Variants in CWF19L2 observed in about 807,000 individuals in gnomAD.
The protein encoded by CWF19L2 is CWF19 like cell cycle control factor 2.
CWF19L2 carries 98 observed loss-of-function variants against 111.7 expected under a neutral mutation model. The observed-to-expected ratio is 0.88, with a 90% CI of 0.75 to 1.04. The LOEUF (loss-of-function observed/expected upper bound fraction) is 1.04. Among genes scored for constraint, CWF19L2 ranks in the 50% least tolerant of loss-of-function variants. The pLI, the probability that CWF19L2 is intolerant of heterozygous loss-of-function variation, is 0.00. For synonymous variants in CWF19L2, 351 were observed against 342.9 expected, an observed-to-expected ratio of 1.02 and a Z score of -0.26; for missense variants, 1,101 against 1,051.4, an observed-to-expected ratio of 1.05 and a Z score of -0.65.
At chr11:107,391,242 T>A (rs964540942) in intron 11 of CWF19L2, among the ~76,000 whole-genome samples, 2 of 152,172 alleles carry the variant, frequency 1.3e-5, no homozygotes, top group Non-Finnish European at 2.9e-5. Context: ...TATACATCTA[T>A]CCTCTTAATT....
At chr11:107,444,319 G>T (rs1861672920) in intron 3 of CWF19L2, among the ~76,000 whole-genome samples, 1 of 152,042 alleles carries the variant, frequency 6.6e-6, no homozygotes, top group Admixed American at 6.5e-5. Flanking sequence ...CTCACCAGTG[G>T]CTTCCACTGT....
intron 5 of CWF19L2, among the ~76,000 whole-genome samples, chr11:107,440,211 G>A (rs1591206269): frequency 6.6e-6 from 1 of 152,230 alleles, no homozygotes; most frequent in South Asian, 2.1e-4. Context: ...GGAGTGGGGG[G>A]TTAGAAAATG....
chr11:107,327,776 T>C (rs1472101277), intron 17 of CWF19L2, among the ~76,000 whole-genome samples: 1 of 152,120 alleles, frequency 6.6e-6, no homozygotes, highest in Non-Finnish European at 1.5e-5. Flanking sequence ...AATGCTTAAA[T>C]GCTTAGAGGG....
In CWF19L2 at chr11:107,392,776, T is replaced by C. The variant is rs201487842; in HGVS notation, c.1734+3A>G. On this transcript the variant is annotated splice_donor_region_variant and intron_variant, in intron 11 of 17. Coordinates refer to ENST00000282251, the MANE Select transcript of CWF19L2 (RefSeq NM_152434.3). ...AATAAACAAAGACATATGTTAAACA[T>C]ACCATCTGTCTCTTTCTTCTTCCTC... 9.2e-6 allele frequency: 14 copies of C among 1,525,170 alleles called. No individual in the cohort carries two copies. In the East Asian group the frequency reaches 2.1e-4, roughly 23 times the overall value. The allele number at this position is 1,525,170 out of a possible 1,614,324, so 94.5% of individuals were successfully genotyped here.
intron 10 of CWF19L2, chr11:107,403,845 C>T: frequency 1.2e-6 from 1 of 805,690 alleles, no homozygotes; most frequent in Non-Finnish European, 2.2e-6. Context: ...TTAAGTGAAT[C>T]TGTGCTTTCT....
intron 10 of CWF19L2, among the ~76,000 whole-genome samples, chr11:107,413,258 C>T (rs1861183294): frequency 6.6e-6 from 1 of 152,060 alleles, no homozygotes. Flanking sequence ...GTACCTTCCT[C>T]TCAATTTTGC....
intron 12 of CWF19L2, among the ~76,000 whole-genome samples, chr11:107,364,591 T>C (rs1860409255): frequency 7.3e-6 from 1 of 137,686 alleles, no homozygotes. Context: ...CATAACGAAA[T>C]GAAAGCAGAA....
At chr11:107,400,591 A>G (rs1860986045) in intron 10 of CWF19L2, among the ~76,000 whole-genome samples, 1 of 152,172 alleles carries the variant, frequency 6.6e-6, no homozygotes, top group Non-Finnish European at 1.5e-5. Flanking sequence ...ACAACAAAAA[A>G]AAGTCCAGGA....
At chr11:107,395,002 A>C (rs1163467784) in intron 10 of CWF19L2, among the ~76,000 whole-genome samples, 2 of 152,226 alleles carry the variant, frequency 1.3e-5, no homozygotes, top group African/African-American at 4.8e-5. Flanking sequence ...ATCCATGATG[A>C]GGTAAGTATA....
At chr11:107,434,806 C>G (rs1001137048) in intron 6 of CWF19L2, among the ~76,000 whole-genome samples, 12 of 151,946 alleles carry the variant, frequency 7.9e-5, no homozygotes, top group Middle Eastern at 3.4e-3. Context: ...TAATGGTTAC[C>G]CTTCTGGTGA....
In CWF19L2 at chr11:107,390,065, A is replaced by T; in HGVS notation, c.1872+9T>A. 1 of 1,611,338 alleles carries T rather than the reference A, an allele frequency of 6.2e-7. No individual in the cohort carries two copies. The highest frequency in any genetic ancestry group is 8.5e-7 in the Non-Finnish European group (1 of 1,178,640). On this transcript the variant is annotated intron_variant, in intron 12 of 17. Transcript: ENST00000282251. Reference sequence around the variant, plus strand: ...CAAAATTCAGAGGTATCCTAGGAATATATCTTACCTTAGATGCCATTCTCA... The same window carrying T: ...CAAAATTCAGAGGTATCCTAGGAATTTATCTTACCTTAGATGCCATTCTCA...
chr11:107,354,434 C>G (rs1229517276), intron 12 of CWF19L2, among the ~76,000 whole-genome samples: 1 of 152,154 alleles, frequency 6.6e-6, no homozygotes, highest in Non-Finnish European at 1.5e-5. Flanking sequence ...TGCCTTATTT[C>G]CTCATTTTAC....
At chr11:107,359,271 G>C (rs1860286447) in intron 12 of CWF19L2, among the ~76,000 whole-genome samples, 1 of 152,200 alleles carries the variant, frequency 6.6e-6, no homozygotes, top group East Asian at 1.9e-4. Flanking sequence ...TACTGGAATA[G>C]ATACTTTGGA....
At chr11:107,335,391 T>G (rs1859907405) in intron 15 of CWF19L2, among the ~76,000 whole-genome samples, 1 of 152,158 alleles carries the variant, frequency 6.6e-6, no homozygotes, top group South Asian at 2.1e-4. Flanking sequence ...TTGAACTATT[T>G]CTGCTCATAT....
intron 16 of CWF19L2, 66 bp downstream of exon 16, chr11:107,334,815 A>G (rs1284703963): frequency 1.0e-6 from 1 of 1,001,568 alleles, no homozygotes; most frequent in African/African-American, 1.6e-5. Context: ...GTCAACTAAG[A>G]CATGGAAATT....
At chr11:107,437,677 G>A (rs1357247630) in intron 6 of CWF19L2, among the ~76,000 whole-genome samples, 1 of 152,136 alleles carries the variant, frequency 6.6e-6, no homozygotes, top group Non-Finnish European at 1.5e-5. Flanking sequence ...TTTTCTCCTA[G>A]TATCTTTGAT....
At chr11:107,327,762 T>C (rs932328884) in intron 17 of CWF19L2, among the ~76,000 whole-genome samples, 1 of 152,100 alleles carries the variant, frequency 6.6e-6, no homozygotes, top group African/African-American at 2.4e-5. Context: ...TGGGGGAGCC[T>C]CCTAATGCTT....
intron 7 of CWF19L2, among the ~76,000 whole-genome samples, chr11:107,431,757 G>C (rs1861468122): frequency 6.6e-6 from 1 of 151,980 alleles, no homozygotes; most frequent in Non-Finnish European, 1.5e-5. Context: ...TCCAGGAAAA[G>C]ATAGAAAAAT....
chr11:107,429,248 AT>A lies in CWF19L2; in HGVS notation c.983del (p.Asn328IlefsTer17). ...YATTDTAKNS[N>X]NEKFIGDEKD... ...TTTCATCACCAATAAATTTTTCATT[AT>A]TGCTATTTTTTGCAGTATCTGTTGT... On this transcript the variant is annotated frameshift_variant, in exon 8 of 18. Coordinates refer to ENST00000282251, the MANE Select transcript of CWF19L2 (RefSeq NM_152434.3). LOFTEE classifies it high-confidence loss of function. 2 of 1,612,296 alleles carry A rather than the reference AT, an allele frequency of 1.2e-6. No individual in the cohort carries two copies. The highest frequency in any genetic ancestry group is 1.7e-6 in the Non-Finnish European group (2 of 1,179,416).
Sources: gnomAD v4.1 joint callset for allele counts (sites outside exome capture counted in the v4.1 genomes callset) on GRCh38, gnomAD v4.1.1 for gene constraint, MANE v1.5 for transcripts, NCBI Gene and HGNC (gene_info 2026-07-23, HGNC 2026-07-21) for gene names.